ANAPC4: variants seen among roughly 807,000 people sequenced by gnomAD.
ANAPC4 encodes the protein anaphase promoting complex subunit 4.
A neutral mutation model predicts 119.8 loss-of-function variants in ANAPC4; 63 were observed. That is an observed-to-expected ratio of 0.53 (90% confidence interval 0.43 to 0.65). The LOEUF is 0.65. ANAPC4 is among the 30% of genes least tolerant of loss of function. ANAPC4 has a pLI of 0.00. For missense variants in ANAPC4, 716 were observed against 945.1 expected (o/e 0.76, Z 3.18); for synonymous variants, 283 against 318.6 (o/e 0.89, Z 1.19).
chr4:25,403,387 C>G (rs1463077646), intron 17 of ANAPC4, among the ~76,000 whole-genome samples: 1 of 151,960 alleles, frequency 6.6e-6, no homozygotes, highest in South Asian at 2.1e-4. Flanking sequence ...AAACATTCCT[C>G]ACAGAACTGT....
At chr4:25,403,112 T>C (rs1283131012) in intron 17 of ANAPC4, 86 bp downstream of exon 17, 3 of 1,043,824 alleles carry the variant, frequency 2.9e-6, no homozygotes, top group Non-Finnish European at 4.2e-6. Context: ...ATAAATCTAG[T>C]ACAATTTCAA....
intron 7 of ANAPC4, among the ~76,000 whole-genome samples, chr4:25,389,916 T>A (rs564579068): frequency 6.6e-6 from 1 of 151,430 alleles, no homozygotes; most frequent in African/African-American, 2.4e-5. Flanking sequence ...TGTAAGCTGA[T>A]TTTTTTTTAG....
In ANAPC4 at chr4:25,396,879, C is replaced by T; in HGVS notation, c.1194C>T (p.Leu398=). ...TAACTGCTGTGGGTTCTTTTATACT[C>T]AAGGCAAATGAACTTCTTCAGTAAG... The part of the protein sequence containing the change: ...EAITAVGSFI[L]KANELLQVID... The change falls in exon 16 of 29, where the codon CTC becomes CTT. Residue 398 remains leucine, a synonymous_variant. Transcript: ENST00000315368. 1 of 1,612,380 alleles carries T rather than the reference C, an allele frequency of 6.2e-7. No homozygotes were observed. The highest frequency in any genetic ancestry group is 8.5e-7 in the Non-Finnish European group (1 of 1,179,462).
chr4:25,391,168 A>G (rs1235713347), intron 9 of ANAPC4, among the ~76,000 whole-genome samples, 153 bp downstream of exon 9: 2 of 152,240 alleles, frequency 1.3e-5, no homozygotes, highest in Non-Finnish European at 2.9e-5. Flanking sequence ...ACTGAGTGTT[A>G]TTATAGTGAA....
chr4:25,413,704 A>G lies in ANAPC4; in HGVS notation c.1585A>G (p.Met529Val). Residue 529 changes from methionine (M) to valine (V), a missense_variant, in exon 22 of 29, where the codon ATG becomes GTG. Physicochemically the swap from Met to Val is conservative, Grantham distance 21. Transcript: ENST00000315368. ...RKSLHFVKRR[M>V]ENIIDQCLQK... The stretch of plus-strand genomic sequence containing the variant: ...ATCATTGCATTTTGTGAAAAGGCGG[A>G]TGGAGAATATTATTGATCAGTGTTT... 2 of 1,613,502 alleles carry G rather than the reference A, an allele frequency of 1.2e-6. No homozygotes were observed. Among genetic ancestry groups the G allele is most frequent in the Non-Finnish European group, 1.7e-6 (2 of 1,179,694 alleles).
At chr4:25,380,608 T>TA (rs984553538) in intron 3 of ANAPC4, 129 bp downstream of exon 3, 30 of 539,646 alleles carry the variant, frequency 5.6e-5, no homozygotes, top group Admixed American at 2.3e-4. Flanking sequence ...GGGAACTTTT[T>TA]AAAAAAAATG....
chr4:25,388,417 C>A (rs1056674730), intron 4 of ANAPC4, 83 bp from the exon 5 acceptor site: 9 of 947,448 alleles, frequency 9.5e-6, no homozygotes, highest in Non-Finnish European at 1.5e-5. Flanking sequence ...AACTGGGTAT[C>A]TTTTTTAAAA....
chr4:25,402,229 C>G (rs994486320), intron 16 of ANAPC4, among the ~76,000 whole-genome samples: 1 of 152,112 alleles, frequency 6.6e-6, no homozygotes, highest in Non-Finnish European at 1.5e-5. Context: ...ACTGACCTAC[C>G]TCTTCATTGG....
intron 4 of ANAPC4, among the ~76,000 whole-genome samples, chr4:25,386,509 C>T (rs1335657291): frequency 6.6e-6 from 1 of 152,200 alleles, no homozygotes; most frequent in Non-Finnish European, 1.5e-5. Flanking sequence ...CATACCCAGC[C>T]GAAGCTCACC....
chr4:25,390,097 G>C, intron 7 of ANAPC4, 39 bp from the exon 8 acceptor site: 2 of 1,371,140 alleles, frequency 1.5e-6, no homozygotes, highest in Middle Eastern at 1.8e-4. Context: ...CATCTGTGTT[G>C]TTGATTGGTT....
intron 3 of ANAPC4, among the ~76,000 whole-genome samples, chr4:25,380,908 T>G (rs1721678393): frequency 1.3e-5 from 2 of 152,228 alleles, no homozygotes; most frequent in Non-Finnish European, 2.9e-5. Context: ...GGTGCATGTG[T>G]GTTTGCCTCA....
intron 7 of ANAPC4, among the ~76,000 whole-genome samples, chr4:25,389,915 AT>A (rs200018334): frequency 1.3e-4 from 19 of 151,464 alleles, no homozygotes; most frequent in Non-Finnish European, 2.5e-4. Flanking sequence ...CTGTAAGCTG[AT>A]TTTTTTTTAG....
Position 25,393,794 on chromosome 4 carries a change from T to G in ANAPC4, c.790-11T>G. ...TTTTTTACCATTTCAATTTTTCTTTTTTGCTAATAGTATATAAATTTGTCA... is the reference window on the plus strand; with the variant it reads ...TTTTTTACCATTTCAATTTTTCTTTGTTGCTAATAGTATATAAATTTGTCA... On this transcript the variant is annotated splice_polypyrimidine_tract_variant and intron_variant, in intron 10 of 28. Transcript: ENST00000315368. The G allele has an allele frequency of 6.5e-7, 1 of 1,550,126 alleles. No individual in the cohort carries two copies. The highest frequency in any genetic ancestry group is 1.2e-5 in the South Asian group (1 of 82,070).
chr4:25,414,674 C>G lies in ANAPC4; in HGVS notation c.1800C>G (p.Ile600Met). Residue 600 changes from isoleucine (I) to methionine (M), a missense_variant, in exon 25 of 29, where the codon ATC (isoleucine) becomes ATG (methionine). Ile to Met is a conservative substitution (Grantham distance 10). Around this residue, in one of 3 missense-constraint regions of ANAPC4, gnomAD observed 504 missense variants for 615.8 expected, o/e 0.82. Transcript: ENST00000315368. The part of the protein sequence containing the change: ...ILEDSLYKMC[I>M]LRRHTDISQS... ...AAGATTCACTTTATAAAATGTGCAT[C>G]TTAAGGAGACATACTGATATTTCTC... 1 of 1,539,918 alleles carries G rather than the reference C, an allele frequency of 6.5e-7. No homozygotes were observed. The highest frequency in any genetic ancestry group is 8.8e-7 in the Non-Finnish European group (1 of 1,133,390).
Position 25,409,777 on chromosome 4 carries a change from G to C in ANAPC4, c.1511G>C (p.Ser504Thr). The C allele has an allele frequency of 6.2e-7, 1 of 1,613,092 alleles. No individual in the cohort carries two copies. Among genetic ancestry groups the C allele is most frequent in the Non-Finnish European group, 8.5e-7 (1 of 1,179,402 alleles). The change falls in exon 21 of 29, where the codon AGC (serine) becomes ACC (threonine). Residue 504 changes from serine (S) to threonine (T), a missense_variant. This residue lies in a region of ANAPC4 where 504 missense variants were observed against 615.8 expected (regional missense o/e 0.82). Coordinates refer to ENST00000315368, the MANE Select transcript of ANAPC4 (RefSeq NM_013367.3). ...GNQWYDFLQN[S>T]SHLKESPLLF... ...CAGTGGTATGACTTTCTTCAAAATA[G>C]CAGCCACCTTAAAGGTACTTCATGA...
At chr4:25,393,036 G>A (rs1368945935) in intron 10 of ANAPC4, among the ~76,000 whole-genome samples, 1 of 152,212 alleles carries the variant, frequency 6.6e-6, no homozygotes, top group South Asian at 2.1e-4. Flanking sequence ...TAGTCAAAGC[G>A]AGACTCAAGG....
chr4:25,391,307 C>A (rs1170046668), intron 9 of ANAPC4, among the ~76,000 whole-genome samples: 1 of 152,130 alleles, frequency 6.6e-6, no homozygotes, highest in Non-Finnish European at 1.5e-5. Flanking sequence ...AGGACTCTGT[C>A]CCTGATAATA....
At chr4:25,381,377 T>G (rs368299904) in intron 3 of ANAPC4, among the ~76,000 whole-genome samples, 1 of 152,106 alleles carries the variant, frequency 6.6e-6, no homozygotes, top group South Asian at 2.1e-4. Flanking sequence ...CACTGCAACC[T>G]TGGGCTCACT....
At position 25,408,515 on chromosome 4, in the gene ANAPC4, A is replaced by C. The variant is rs532392873; in HGVS notation, c.1432-1183A>C. On this transcript the variant is annotated intron_variant, in intron 20 of 28. Coordinates refer to ENST00000315368, the MANE Select transcript of ANAPC4 (RefSeq NM_013367.3). ...TTGTGAAGCACACAGGGGCAGATGC[A>C]GGTTTTCCAAAAAAAAAAAAAATTT... Among the ~76,000 whole-genome samples the C allele has an allele frequency of 4.9e-5, 7 of 143,474 alleles. No individual in the cohort carries two copies. In the East Asian group the frequency reaches 7.9e-4, roughly 16 times the overall value. 94.1% of individuals were successfully genotyped at this position (143,474 alleles called of 152,430 possible).
Sources: allele counts gnomAD v4.1 joint callset (sites outside exome capture counted in the v4.1 genomes callset), GRCh38; gene constraint gnomAD v4.1.1; regional missense constraint gnomAD v4.1.1; transcripts MANE v1.5; gene names NCBI Gene and HGNC (gene_info 2026-07-23, HGNC 2026-07-21).